The following ZFYVE28 variants were observed in gnomAD, a reference collection of about 807,000 sequenced individuals.
ZFYVE28 encodes zinc finger FYVE-type containing 28.
Under a neutral mutation model 82.1 loss-of-function variants are expected in ZFYVE28, and 40 were observed. The ratio of observed to expected loss-of-function variants is 0.49; its 90% CI spans 0.38 to 0.63. The LOEUF (loss-of-function observed/expected upper bound fraction) is 0.63, where lower values mean the gene tolerates loss of function less well. Ranked by LOEUF, ZFYVE28 falls within the 30% of genes least tolerant of loss-of-function variation. The pLI is 0.00. For missense variants in ZFYVE28, 1,321 were observed against 1,242.1 expected (o/e 1.06, Z -0.96); for synonymous variants, 612 against 546.1 (o/e 1.12, Z -1.68).
At chr4:2,325,592 CTT>C (rs58460729) in intron 6 of ZFYVE28, among the ~76,000 whole-genome samples, 68 of 122,178 alleles carry the variant, frequency 5.6e-4, no homozygotes, top group East Asian at 2.1e-3. Flanking sequence ...TTAAATCTTA[CTT>C]TTTTTTTTTT....
At chr4:2,330,699 C>T (rs1720541833) in intron 6 of ZFYVE28, 8 of 1,445,890 alleles carry the variant, frequency 5.5e-6, no homozygotes, top group Non-Finnish European at 6.3e-6. Flanking sequence ...GACACTGGAG[C>T]AGAGGGGACA....
chr4:2,351,868 A>C (rs1027953253), intron 2 of ZFYVE28, among the ~76,000 whole-genome samples: 9 of 152,214 alleles, frequency 5.9e-5, no homozygotes, highest in Admixed American at 1.3e-4. Context: ...GAACTCAGGG[A>C]AACACTTCGT....
At chr4:2,340,492 A>C (rs1197857300) in intron 3 of ZFYVE28, among the ~76,000 whole-genome samples, 1 of 152,196 alleles carries the variant, frequency 6.6e-6, no homozygotes, top group Non-Finnish European at 1.5e-5. Flanking sequence ...TGATCAAGTG[A>C]TGCAGGACAA....
At chr4:2,274,560 C>T (rs1481617411) in intron 8 of ZFYVE28, among the ~76,000 whole-genome samples, 1 of 152,120 alleles carries the variant, frequency 6.6e-6, no homozygotes, top group Non-Finnish European at 1.5e-5. Context: ...GTCAACTCAC[C>T]TTTCACACCA....
intron 8 of ZFYVE28, among the ~76,000 whole-genome samples, chr4:2,290,576 G>A (rs1713483977): frequency 6.6e-6 from 1 of 152,228 alleles, no homozygotes; most frequent in Non-Finnish European, 1.5e-5. Flanking sequence ...GGCAGGTGCA[G>A]CAGAGCAGGA....
chr4:2,411,317 G>GA (rs1470956710), intron 1 of ZFYVE28, among the ~76,000 whole-genome samples: 1 of 152,090 alleles, frequency 6.6e-6, no homozygotes. Context: ...CTGTAAGAAG[G>GA]AAAAAATCAT....
intron 1 of ZFYVE28, among the ~76,000 whole-genome samples, chr4:2,356,156 C>G (rs896561894): frequency 6.6e-6 from 1 of 152,184 alleles, no homozygotes; most frequent in African/African-American, 2.4e-5. Context: ...GTGGGGAGAG[C>G]AAACCCCAGT....
intron 8 of ZFYVE28, among the ~76,000 whole-genome samples, chr4:2,303,777 G>A (rs921263653): frequency 6.6e-6 from 1 of 152,180 alleles, no homozygotes; most frequent in Non-Finnish European, 1.5e-5. Flanking sequence ...ACCCCTCATG[G>A]CCCCAGTCTC....
At chr4:2,276,787 T>C (rs1339574752) in intron 8 of ZFYVE28, among the ~76,000 whole-genome samples, 1 of 151,228 alleles carries the variant, frequency 6.6e-6, no homozygotes, top group East Asian at 2.0e-4. Context: ...GGTAGAACGG[T>C]GGGCGCCAGG....
intron 1 of ZFYVE28, among the ~76,000 whole-genome samples, chr4:2,377,649 T>A (rs1728300325): frequency 6.6e-6 from 1 of 152,226 alleles, no homozygotes; most frequent in South Asian, 2.1e-4. Context: ...TTGCGGCACT[T>A]GGGGTTGCTG....
chr4:2,410,459 T>C (rs1159101164), intron 1 of ZFYVE28, among the ~76,000 whole-genome samples: 2 of 151,186 alleles, frequency 1.3e-5, no homozygotes, highest in Non-Finnish European at 2.9e-5. Flanking sequence ...CCTTTCTTTT[T>C]TTTTTTTTTT....
In ZFYVE28 at chr4:2,304,359, G is replaced by C. The variant is rs772971688; in HGVS notation, c.1981C>G (p.Pro661Ala). The C allele has an allele frequency of 1.2e-6, 2 of 1,609,908 alleles. No individual in the cohort carries two copies. Among genetic ancestry groups the C allele is most frequent in the East Asian group, 2.2e-5 (1 of 44,888 alleles). The part of the protein sequence containing the change: ...GEAGVAGQQE[P>A]EARELHAGSP... ...CCAGCATGCAGCTCTCTGGCCTCTG[G>C]CTCCTGCTGACCTGCAACCCCAGCC... is the stretch of plus-strand genomic sequence containing the variant. Residue 661 changes from proline (P) to alanine (A), a missense_variant, in exon 8 of 13, where the codon CCA becomes GCA. Physicochemically the swap from Pro to Ala is conservative, Grantham distance 27 (BLOSUM62 -1). Coordinates refer to ENST00000290974, the MANE Select transcript of ZFYVE28 (RefSeq NM_020972.3).
intron 1 of ZFYVE28, among the ~76,000 whole-genome samples, chr4:2,371,808 G>A (rs1344823036): frequency 6.6e-6 from 1 of 152,242 alleles, no homozygotes; most frequent in African/African-American, 2.4e-5. Flanking sequence ...GGAAGGCCAC[G>A]CTGCGGGTTC....
At position 2,305,420 on chromosome 4, in the gene ZFYVE28, G is replaced by A. The variant is rs530190181; in HGVS notation, c.920C>T (p.Ala307Val). Residue 307 changes from alanine (A) to valine (V), a missense_variant, in exon 8 of 13, where the codon GCG becomes GTG. By Grantham distance (64) the Ala-to-Val change is moderately conservative. Transcript: ENST00000290974. ...RADVQGPAAL[A>V]PALSAPLPPE... ...GGGGAGAGGGGCAGAGAGGGCAGGCGCCAGGGCAGCGGGTCCCTGCACGTC... is the reference window on the plus strand; with the variant it reads ...GGGGAGAGGGGCAGAGAGGGCAGGCACCAGGGCAGCGGGTCCCTGCACGTC... The A allele has an allele frequency of 1.9e-5, 31 of 1,612,812 alleles. No homozygotes were observed. Among genetic ancestry groups the A allele is most frequent in the African/African-American group, 9.3e-5 (7 of 75,066 alleles).
At chr4:2,356,529 C>A (rs1245568402) in intron 1 of ZFYVE28, among the ~76,000 whole-genome samples, 3 of 152,072 alleles carry the variant, frequency 2.0e-5, no homozygotes, top group Non-Finnish European at 2.9e-5. Context: ...GCCATCTGCT[C>A]CCACCCTCTC....
intron 7 of ZFYVE28, chr4:2,319,066 C>T (rs12054613): frequency 0.057 from 8,732 of 152,942 alleles, 698 homozygotes; most frequent in African/African-American, 0.18. Flanking sequence ...TCCAGCCCCA[C>T]ACCGCCCAGG....
intron 2 of ZFYVE28, among the ~76,000 whole-genome samples, chr4:2,349,784 G>A (rs1262868330): frequency 1.3e-5 from 2 of 151,720 alleles, no homozygotes; most frequent in Admixed American, 1.3e-4. Context: ...AATCTCCGTT[G>A]ACACACAAAA....
At position 2,394,739 on chromosome 4, in the gene ZFYVE28, C is replaced by A. The variant is rs1379818709; in HGVS notation, c.39+23546G>T. 6.6e-6 allele frequency among the ~76,000 whole-genome samples: 1 copy of A among 152,270 alleles called. No individual in the cohort carries two copies. The highest frequency in any genetic ancestry group is 1.5e-5 in the Non-Finnish European group (1 of 68,052). ...ACCACTCTGCGCAGCTGCATCGATGCCTGACTGCACGTGTGCGTGCTTCCA... is the reference window on the plus strand; with the variant it reads ...ACCACTCTGCGCAGCTGCATCGATGACTGACTGCACGTGTGCGTGCTTCCA... On this transcript the variant is annotated intron_variant, in intron 1 of 12. Transcript: ENST00000290974. This position sits in a 1 kb window ranked among gnomAD's most constrained non-coding sequence, Gnocchi z 4.0.
chr4:2,395,823 C>T (rs917115074), intron 1 of ZFYVE28, among the ~76,000 whole-genome samples: 15 of 151,582 alleles, frequency 9.9e-5, no homozygotes, highest in Admixed American at 3.3e-4. Context: ...TCACAGGAGG[C>T]GGCGGGACTC....
Sources: allele counts gnomAD v4.1 joint callset (sites outside exome capture counted in the v4.1 genomes callset), GRCh38; gene constraint gnomAD v4.1.1; non-coding constraint Gnocchi (gnomAD v3.1); transcripts MANE v1.5; gene names NCBI Gene and HGNC (gene_info 2026-07-23, HGNC 2026-07-21).